GRIP1: variants seen among roughly 807,000 people sequenced by gnomAD.
GRIP1 encodes the protein glutamate receptor interacting protein 1, also known as glutamate receptor-interacting protein 1.
A neutral mutation model predicts 129.9 loss-of-function variants in GRIP1; 45 were observed. The ratio of observed to expected loss-of-function variants is 0.35; its 90% CI spans 0.27 to 0.44. The LOEUF (loss-of-function observed/expected upper bound fraction) is 0.44. Ranked by LOEUF, GRIP1 falls within the 20% of genes least tolerant of loss-of-function variation. The pLI is 1.00. For synonymous variants in GRIP1, 530 were observed against 520.8 expected (o/e 1.02, Z -0.24); for missense variants, 1,196 against 1,396.8 (o/e 0.86, Z 2.29).
At chr12:66,518,072 A>T in intron 5 of GRIP1, 96 bp from the exon 6 acceptor site, 1 of 796,948 alleles carries the variant, frequency 1.3e-6, no homozygotes, top group Non-Finnish European at 2.3e-6. Flanking sequence ...GTCCTACTTG[A>T]TGTACGGAGG....
At chr12:66,725,460 A>C (rs1592781166) in intron 1 of GRIP1, among the ~76,000 whole-genome samples, 1 of 152,168 alleles carries the variant, frequency 6.6e-6, no homozygotes, top group South Asian at 2.1e-4. Flanking sequence ...ATAAATTTAC[A>C]TATTTTAGAC....
At position 66,822,000 on chromosome 12, in the gene GRIP1, TTG is replaced by T. The variant is rs145504310; in HGVS notation, c.59-225075_59-225074del. Among the ~76,000 whole-genome samples the T allele has an allele frequency of 3.1e-4, 46 of 150,474 alleles. 1 individual carries two copies. The highest frequency in any genetic ancestry group is 9.5e-4 in the African/African-American group (39 of 41,126). On this transcript the variant is annotated intron_variant, in intron 1 of 1. Coordinates refer to the GRIP1 transcript ENST00000643019. The stretch of plus-strand genomic sequence containing the variant: ...GCCAAGTGATGGAGCCACTTCCATC[TTG>T]TGTGTGTGTGTGTGTGTGTGTATGT...
At chr12:66,604,473 G>T (rs2064419136) in intron 1 of GRIP1, among the ~76,000 whole-genome samples, 1 of 152,288 alleles carries the variant, frequency 6.6e-6, no homozygotes, top group South Asian at 2.1e-4. Context: ...ATCAAAATTT[G>T]TCAAGGGCTG....
intron 1 of GRIP1, among the ~76,000 whole-genome samples, chr12:67,031,909 C>T (rs1184110608): frequency 6.6e-6 from 1 of 152,034 alleles, no homozygotes; most frequent in Non-Finnish European, 1.5e-5. Flanking sequence ...CTTTCATCAA[C>T]TTGATTATTA....
At chr12:66,443,973 CTG>C (rs2058543359) in intron 13 of GRIP1, among the ~76,000 whole-genome samples, 1 of 152,190 alleles carries the variant, frequency 6.6e-6, no homozygotes, top group Non-Finnish European at 1.5e-5. Flanking sequence ...TTACTTGTCT[CTG>C]TGACTGAAGA....
chr12:66,861,482 G>A (rs2040110829), intron 1 of GRIP1, among the ~76,000 whole-genome samples: 1 of 152,096 alleles, frequency 6.6e-6, no homozygotes, highest in Admixed American at 6.6e-5. Flanking sequence ...TGTTCAGAAA[G>A]AAGATTTTAT....
chr12:67,030,514 T>C (rs73318916), intron 1 of GRIP1, among the ~76,000 whole-genome samples: 2,121 of 152,130 alleles, frequency 0.014, 53 homozygotes, highest in African/African-American at 0.049. Flanking sequence ...AAGTTTCCAA[T>C]CTGGAATTGT....
At position 66,788,253 on chromosome 12, in the gene GRIP1, T is replaced by A. The variant is rs77492763; in HGVS notation, c.-420+15800A>T. 4.0e-5 allele frequency among the ~76,000 whole-genome samples: 6 copies of A among 151,486 alleles called. No homozygotes were observed. In the East Asian group the frequency reaches 5.8e-4, roughly 15 times the overall value. On this transcript the variant is annotated intron_variant, in intron 1 of 4. Coordinates refer to the GRIP1 transcript ENST00000538373. Reference sequence around the variant, plus strand: ...AAAATAAAATACTTTTTTTTTTTTTTAAGCTAAAGCCAGTTTGAGCTGCAC... The same window carrying A: ...AAAATAAAATACTTTTTTTTTTTTTAAAGCTAAAGCCAGTTTGAGCTGCAC...
At chr12:66,363,267 A>G (rs2054918957) in intron 23 of GRIP1, among the ~76,000 whole-genome samples, 1 of 136,174 alleles carries the variant, frequency 7.3e-6, no homozygotes, top group Admixed American at 7.7e-5. Flanking sequence ...TTTTTGAGAC[A>G]GGGTCTTGCT....
At chr12:66,564,758 T>C (rs1284929278) in intron 2 of GRIP1, among the ~76,000 whole-genome samples, 1 of 152,158 alleles carries the variant, frequency 6.6e-6, no homozygotes, top group Non-Finnish European at 1.5e-5. Context: ...GTAAAAGTGT[T>C]CCTATTTCTC....
At chr12:66,378,996 C>T (rs1297529766) in intron 20 of GRIP1, among the ~76,000 whole-genome samples, 1 of 152,030 alleles carries the variant, frequency 6.6e-6, no homozygotes, top group African/African-American at 2.4e-5. Flanking sequence ...GGGGGACCTA[C>T]TTGTCATAAG....
chr12:66,522,181 C>A (rs1383991531), intron 5 of GRIP1, among the ~76,000 whole-genome samples: 2 of 152,248 alleles, frequency 1.3e-5, no homozygotes, highest in Non-Finnish European at 2.9e-5. Flanking sequence ...AGCTGTAGAT[C>A]TGAGAACAGG....
intron 2 of GRIP1, among the ~76,000 whole-genome samples, chr12:66,592,080 T>C (rs1725240966): frequency 6.6e-6 from 1 of 152,094 alleles, no homozygotes; most frequent in Admixed American, 6.5e-5. Context: ...AAATGAAGCA[T>C]CTAATTATAT....
chr12:67,068,573 G>T (rs1027822310), intron 1 of GRIP1, among the ~76,000 whole-genome samples: 15 of 152,028 alleles, frequency 9.9e-5, no homozygotes, highest in African/African-American at 3.6e-4. Context: ...ACTTTGGGTT[G>T]GCAATGCCGT....
At chr12:67,022,746 G>A (rs1021902674) in intron 1 of GRIP1, among the ~76,000 whole-genome samples, 2 of 152,018 alleles carry the variant, frequency 1.3e-5, no homozygotes, top group Admixed American at 6.6e-5. Context: ...GGGTAAAGGC[G>A]CAGGTTTGTT....
rs564457185 is a variant in GRIP1 at position 66,443,200 on chromosome 12, TC to T, written c.1687+1383del. Reference sequence around the variant, plus strand: ...TTAGTTTGGCTCCCTGGAGCCCTCTTCTTGATTATGCCTTGTTTTTGGGCTG... The same window carrying T: ...TTAGTTTGGCTCCCTGGAGCCCTCTTTTGATTATGCCTTGTTTTTGGGCTG... On this transcript the variant is annotated intron_variant, in intron 13 of 24. Coordinates refer to ENST00000359742, the MANE Select transcript of GRIP1 (RefSeq NM_001366722.1). Among the ~76,000 whole-genome samples the T allele has an allele frequency of 3.4e-3, 520 of 152,352 alleles. 6 individuals carry two copies. Among genetic ancestry groups the T allele is most frequent in the African/African-American group, 0.012 (480 of 41,586 alleles).
chr12:66,794,172 A>C (rs1017311885), intron 1 of GRIP1, among the ~76,000 whole-genome samples: 2 of 152,190 alleles, frequency 1.3e-5, no homozygotes, highest in African/African-American at 4.8e-5. Flanking sequence ...GGAATCATTG[A>C]TATGGCAAAC....
intron 2 of GRIP1, among the ~76,000 whole-genome samples, chr12:66,582,123 T>TCCTC (rs2063410760): frequency 6.6e-6 from 1 of 151,910 alleles, no homozygotes; most frequent in African/African-American, 2.4e-5. Context: ...ATAAATGTAA[T>TCCTC]CCAGCATATA....
At chr12:66,977,847 C>A (rs879684325) in intron 1 of GRIP1, among the ~76,000 whole-genome samples, 1 of 80,146 alleles carries the variant, frequency 1.2e-5, no homozygotes, top group African/African-American at 5.0e-5. Context: ...GGCTCTTGCT[C>A]TTTCATCCAG....
Sources: gnomAD v4.1 joint callset for allele counts (sites outside exome capture counted in the v4.1 genomes callset) on GRCh38, gnomAD v4.1.1 for gene constraint, MANE v1.5 for transcripts, NCBI Gene and HGNC (gene_info 2026-07-23, HGNC 2026-07-21) for gene names.